The following NUP88 variants were observed in gnomAD, a reference collection of about 807,000 sequenced individuals.
NUP88 encodes the protein nucleoporin 88, also known as nuclear pore complex protein Nup88.
A neutral mutation model predicts 93.9 loss-of-function variants in NUP88; 57 were observed. The observed-to-expected ratio is 0.61, with a 90% CI of 0.49 to 0.76. The LOEUF is 0.76. NUP88 is among the 30% of genes least tolerant of loss of function. The probability of loss-of-function intolerance (pLI) is 0.00; values close to 1 mark genes in which losing one functional copy is unlikely to be tolerated. For synonymous variants in NUP88, 346 were observed against 336.8 expected (o/e 1.03, Z -0.30); for missense variants, 911 against 901.0 (o/e 1.01, Z -0.14).
At chr17:5,391,984 TAACA>T (rs2144767258) in intron 9 of NUP88, among the ~76,000 whole-genome samples, 1 of 150,966 alleles carries the variant, frequency 6.6e-6, no homozygotes, top group East Asian at 2.0e-4. Flanking sequence ...AGCCCAGTGC[TAACA>T]AATTAAGTGC....
chr17:5,410,777 T>C lies in NUP88; in HGVS notation c.606A>G (p.Leu202=), dbSNP rs190307075. The part of the protein sequence containing the change: ...TSDNVIRIYS[L]REPQTPTNVI... ...CGTTAGTGGGTGTCTGCGGCTCACG[T>C]AGTGAGTAAATTCTAGCAACCAAAA... Residue 202 remains leucine, a synonymous_variant, in exon 4 of 17, where the codon CTA becomes CTG. Transcript: ENST00000573584. 1.8e-5 allele frequency: 29 copies of C among 1,609,580 alleles called. No homozygotes were observed. In the East Asian group the frequency reaches 3.8e-4, roughly 21 times the overall value.
At chr17:5,391,758 C>G (rs1208743346) in intron 9 of NUP88, 96 bp from the exon 10 acceptor site, 11 of 971,450 alleles carry the variant, frequency 1.1e-5, no homozygotes, top group Middle Eastern at 5.7e-4. Flanking sequence ...CAGGCCTGGG[C>G]TGAAGTTGCT....
At chr17:5,407,221 C>T (rs1249334645) in intron 5 of NUP88, among the ~76,000 whole-genome samples, 1 of 152,164 alleles carries the variant, frequency 6.6e-6, no homozygotes, top group Non-Finnish European at 1.5e-5. Flanking sequence ...CTCTCCTGTA[C>T]CCACTTCTGA....
chr17:5,410,815 A>T (rs1338372420), intron 3 of NUP88, 26 bp from the exon 4 acceptor site: 1 of 1,470,438 alleles, frequency 6.8e-7, no homozygotes, highest in Non-Finnish European at 9.4e-7. Flanking sequence ...GAAGAAAACC[A>T]GCACTTAAAA....
At chr17:5,410,662 G>T in intron 4 of NUP88, 41 bp downstream of exon 4, 1 of 1,214,968 alleles carries the variant, frequency 8.2e-7, no homozygotes, top group Non-Finnish European at 1.2e-6. Context: ...ATCCCAATAA[G>T]CTAATTAAAA....
chr17:5,416,182 C>CACAAAT (rs1555530303), intron 2 of NUP88, among the ~76,000 whole-genome samples: 1 of 90,880 alleles, frequency 1.1e-5, no homozygotes, highest in Non-Finnish European at 2.3e-5. Flanking sequence ...TATATATATA[C>CACAAAT]ACACATACAC....
chr17:5,386,984 CT>C lies in NUP88; in HGVS notation c.2042del (p.Gln681ArgfsTer4). 1.2e-6 allele frequency: 2 copies of C among 1,613,776 alleles called. No homozygotes were observed. Among genetic ancestry groups the C allele is most frequent in the African/African-American group, 2.7e-5 (2 of 75,006 alleles). ...TTAGCTAGTTTGGATCTATTCCTAC[CT>C]GTTTGATGGCATTGCCCAAATGTCG... ...QLRHLGNAIKQVTMKKDYQQQ... is the reference protein window; with the variant it reads ...QLRHLGNAIKXVTMKKDYQQQ... On this transcript the variant is annotated frameshift_variant and splice_region_variant, in exon 15 of 17. Coordinates refer to ENST00000573584, the MANE Select transcript of NUP88 (RefSeq NM_002532.6). LOFTEE classifies it high-confidence loss of function.
chr17:5,387,615 G>T lies in NUP88; in HGVS notation c.1825C>A (p.Arg609=). Residue 609 remains arginine (R), a synonymous_variant, in exon 13 of 17, where the codon CGA becomes AGA. Transcript: ENST00000573584. ...KKQLEDLSYC[R]EERKSLREMA... ...ATTTTTGACACTTACCTCTCTTCTC[G>T]ACAATAACTGAGATCTTCTAGTTGT... 6.2e-7 allele frequency: 1 copy of T among 1,612,674 alleles called. No individual in the cohort carries two copies. Among genetic ancestry groups the T allele is most frequent in the South Asian group, 1.1e-5 (1 of 91,004 alleles).
At chr17:5,417,581 G>A (rs1914227256) in intron 1 of NUP88, among the ~76,000 whole-genome samples, 1 of 152,246 alleles carries the variant, frequency 6.6e-6, no homozygotes. Context: ...GCTCACGGCT[G>A]AAATGCCAGC....
intron 11 of NUP88, 45 bp from the exon 12 acceptor site, chr17:5,387,949 AC>A (rs1222255313): frequency 3.9e-6 from 6 of 1,547,192 alleles, no homozygotes; most frequent in Non-Finnish European, 5.2e-6. Flanking sequence ...GCTGAGTAAA[AC>A]AACTGAAAAT....
intron 10 of NUP88, 56 bp from the exon 11 acceptor site, chr17:5,389,016 G>A (rs759011967): frequency 2.8e-5 from 37 of 1,338,460 alleles, no homozygotes; most frequent in Middle Eastern, 2.0e-4. Flanking sequence ...CTGTATTACA[G>A]GAAAGCAGAA....
intron 7 of NUP88, among the ~76,000 whole-genome samples, chr17:5,401,159 G>A (rs1016112598): frequency 2.0e-5 from 3 of 151,988 alleles, no homozygotes; most frequent in Non-Finnish European, 2.9e-5. Context: ...CAAGGTGGGC[G>A]GATCACCTCA....
At chr17:5,388,702 TA>T in intron 11 of NUP88, 99 bp downstream of exon 11, 2 of 1,113,820 alleles carry the variant, frequency 1.8e-6, no homozygotes, top group South Asian at 1.8e-5. Flanking sequence ...TTTATCACAG[TA>T]AAAAGTATAT....
At chr17:5,393,967 G>A (rs1912610349) in intron 9 of NUP88, among the ~76,000 whole-genome samples, 1 of 152,144 alleles carries the variant, frequency 6.6e-6, no homozygotes, top group African/African-American at 2.4e-5. Flanking sequence ...TTTCTACTGG[G>A]GATAACTGGG....
Position 5,388,428 on chromosome 17 carries a change from G to A in NUP88, c.1643+374C>T, listed in dbSNP as rs895284516. 1.8e-5 allele frequency: 3 copies of A among 162,908 alleles called. No homozygotes were observed. In the South Asian group the frequency reaches 5.1e-4, roughly 28 times the overall value. The allele number at this position is 162,908 out of a possible 1,614,324, so 10.1% of individuals were successfully genotyped here. On this transcript the variant is annotated intron_variant, in intron 11 of 16. Coordinates refer to ENST00000573584, the MANE Select transcript of NUP88 (RefSeq NM_002532.6). ...AGCCTCCCAAGTAGCTGGGATTACA[G>A]GCATCTGCCACCACACCCAGCTAAT...
At chr17:5,413,688 A>C (rs1806261) in intron 3 of NUP88, among the ~76,000 whole-genome samples, 76,230 of 152,022 alleles carry the variant, frequency 0.5, 20,305 homozygotes, top group East Asian at 0.97. Flanking sequence ...TCAAATCTCT[A>C]AATTTACACT....
chr17:5,391,478 A>C (rs1450891754), intron 10 of NUP88, 83 bp downstream of exon 10: 9 of 1,067,296 alleles, frequency 8.4e-6, no homozygotes, highest in African/African-American at 3.1e-5. Flanking sequence ...GTATAGCTTC[A>C]AGTTGGTTAC....
intron 8 of NUP88, among the ~76,000 whole-genome samples, chr17:5,396,673 G>A (rs974626071): frequency 6.6e-6 from 1 of 152,186 alleles, no homozygotes; most frequent in Non-Finnish European, 1.5e-5. Flanking sequence ...CAGGTACATG[G>A]TAACTCTATG....
At chr17:5,387,555 T>C (rs1228239148) in intron 13 of NUP88, 50 bp downstream of exon 13, 1 of 1,597,034 alleles carries the variant, frequency 6.3e-7, no homozygotes, top group African/African-American at 1.3e-5. Context: ...GGTGAGAATA[T>C]GGTTCCAGTC....
Sources: gnomAD v4.1 joint callset for allele counts (sites outside exome capture counted in the v4.1 genomes callset) on GRCh38, gnomAD v4.1.1 for gene constraint, MANE v1.5 for transcripts, NCBI Gene and HGNC (gene_info 2026-07-23, HGNC 2026-07-21) for gene names.